CNTN1: variants seen among roughly 807,000 people sequenced by gnomAD.
CNTN1 encodes contactin 1.
Under a neutral mutation model 126.4 loss-of-function variants are expected in CNTN1, and 38 were observed. The observed-to-expected ratio is 0.30, with a 90% CI of 0.23 to 0.39. The LOEUF is 0.39. Ranked by LOEUF, CNTN1 falls within the 10% of genes least tolerant of loss-of-function variation. CNTN1 has a pLI of 1.00. For missense variants in CNTN1, 1,009 were observed against 1,248.4 expected, an observed-to-expected ratio of 0.81 and a Z score of 2.89; for synonymous variants, 413 against 422.6, an observed-to-expected ratio of 0.98 and a Z score of 0.28.
rs146810300 is a variant in CNTN1 at position 40,846,907 on chromosome 12, G to T, written c.-76-61450G>T. 9.3e-5 allele frequency among the ~76,000 whole-genome samples: 14 copies of T among 151,070 alleles called. No homozygotes were observed. The East Asian group carries it at 2.7e-3, about 29-fold the overall frequency. On this transcript the variant is annotated intron_variant, in intron 1 of 23. Coordinates refer to ENST00000551295, the MANE Select transcript of CNTN1 (RefSeq NM_001843.4). ...TTCTGAGATGGAGTCTCACTCTGTC[G>T]CCCAGGCTGGAGTGCAGTGGTGCGA...
At chr12:40,811,318 G>A (rs1385496046) in intron 1 of CNTN1, among the ~76,000 whole-genome samples, 2 of 152,106 alleles carry the variant, frequency 1.3e-5, no homozygotes, top group Non-Finnish European at 2.9e-5. Context: ...TGAAAACACT[G>A]AGTTGAGGAT....
At chr12:40,806,577 T>C (rs1940865322) in intron 1 of CNTN1, among the ~76,000 whole-genome samples, 1 of 152,150 alleles carries the variant, frequency 6.6e-6, no homozygotes, top group African/African-American at 2.4e-5. Flanking sequence ...TCTGGTCTCC[T>C]TCCCTAACGC....
chr12:40,754,030 A>C (rs963516770), intron 1 of CNTN1, among the ~76,000 whole-genome samples: 1 of 152,100 alleles, frequency 6.6e-6, no homozygotes, highest in Non-Finnish European at 1.5e-5. Context: ...ACCTTCAGAA[A>C]GTTATCAGTT....
chr12:40,821,134 C>T (rs1941429466), intron 1 of CNTN1, among the ~76,000 whole-genome samples: 1 of 152,134 alleles, frequency 6.6e-6, no homozygotes, highest in Admixed American at 6.5e-5. Context: ...TGAGACAGGT[C>T]TAATTGTCTT....
At chr12:40,887,467 C>A (rs932400895) in intron 1 of CNTN1, among the ~76,000 whole-genome samples, 11 of 152,144 alleles carry the variant, frequency 7.2e-5, no homozygotes, top group Non-Finnish European at 1.2e-4. Flanking sequence ...CAATGAGATA[C>A]CATCTCACAC....
intron 1 of CNTN1, among the ~76,000 whole-genome samples, chr12:40,731,318 T>G (rs779132141): frequency 6.6e-6 from 1 of 151,990 alleles, no homozygotes; most frequent in Non-Finnish European, 1.5e-5. Context: ...ATTCTATATT[T>G]TTTAAAGAGG....
intron 1 of CNTN1, among the ~76,000 whole-genome samples, chr12:40,739,788 A>G (rs955653790): frequency 6.6e-6 from 1 of 152,124 alleles, no homozygotes; most frequent in African/African-American, 2.4e-5. Flanking sequence ...GGAAAATACA[A>G]GGAAAGAACA....
intron 1 of CNTN1, chr12:40,828,140 G>T (rs576284960): frequency 7.2e-4 from 110 of 152,324 alleles, no homozygotes; most frequent in Admixed American, 1.3e-3. Flanking sequence ...TGAAGGATGG[G>T]AGCGGCTGTG....
At chr12:40,742,135 A>T (rs1937970048) in intron 1 of CNTN1, among the ~76,000 whole-genome samples, 1 of 152,056 alleles carries the variant, frequency 6.6e-6, no homozygotes, top group East Asian at 1.9e-4. Context: ...TAAAGTACTT[A>T]AAATATAACC....
chr12:40,910,894 C>G (rs962168426), intron 3 of CNTN1, among the ~76,000 whole-genome samples: 1 of 152,118 alleles, frequency 6.6e-6, no homozygotes, highest in Non-Finnish European at 1.5e-5. Context: ...CATGAAGAAT[C>G]ACTGAACAAC....
intron 1 of CNTN1, among the ~76,000 whole-genome samples, chr12:40,693,631 T>C (rs1165646526): frequency 6.6e-6 from 1 of 152,196 alleles, no homozygotes; most frequent in Admixed American, 6.5e-5. Context: ...TTTATTTTCA[T>C]GCCAAACCGG....
chr12:40,791,318 C>T (rs1465323898), intron 1 of CNTN1, among the ~76,000 whole-genome samples: 3 of 152,080 alleles, frequency 2.0e-5, no homozygotes, highest in African/African-American at 4.8e-5. Flanking sequence ...AATACGTATA[C>T]GTAGAGTAAT....
chr12:40,900,465 T>A lies in CNTN1; in HGVS notation c.-76-7892T>A, dbSNP rs1944565116. On this transcript the variant is annotated intron_variant, in intron 1 of 23. Coordinates refer to ENST00000551295, the MANE Select transcript of CNTN1 (RefSeq NM_001843.4). Reference sequence around the variant, plus strand: ...TGTGTGTGTGTATGGTTAGGTGCCTTGTAAAGTTTGAGAAAATGCAGAAAA... The same window carrying A: ...TGTGTGTGTGTATGGTTAGGTGCCTAGTAAAGTTTGAGAAAATGCAGAAAA... Among the ~76,000 whole-genome samples, 3 of 152,126 alleles carry A rather than the reference T, an allele frequency of 2.0e-5. No individual in the cohort carries two copies. In the South Asian group the frequency reaches 6.2e-4, roughly 31 times the overall value.
intron 1 of CNTN1, among the ~76,000 whole-genome samples, chr12:40,820,610 G>A (rs1941413168): frequency 6.6e-6 from 1 of 152,096 alleles, no homozygotes; most frequent in South Asian, 2.1e-4. Flanking sequence ...GGGTTTGGGA[G>A]GTAGCATCAC....
intron 17 of CNTN1, among the ~76,000 whole-genome samples, chr12:40,998,475 A>T (rs1340107117): frequency 6.6e-6 from 1 of 152,142 alleles, no homozygotes; most frequent in African/African-American, 2.4e-5. Flanking sequence ...ATCTGATGAG[A>T]CATAACTATC....
chr12:41,054,781 T>C (rs1215905280), intron 23 of CNTN1, among the ~76,000 whole-genome samples: 1 of 152,126 alleles, frequency 6.6e-6, no homozygotes, highest in Non-Finnish European at 1.5e-5. Context: ...TGTCAAGTCA[T>C]GCAATATATT....
chr12:40,755,582 G>C (rs1452303402), intron 1 of CNTN1, among the ~76,000 whole-genome samples: 2 of 151,974 alleles, frequency 1.3e-5, no homozygotes, highest in Admixed American at 1.3e-4. Flanking sequence ...AGCTGGGCTT[G>C]GTGTTACAAT....
chr12:40,897,768 C>T (rs1016125707), intron 1 of CNTN1, among the ~76,000 whole-genome samples: 5 of 152,136 alleles, frequency 3.3e-5, no homozygotes, highest in Admixed American at 2.0e-4. Flanking sequence ...GTAATTTCCC[C>T]AGTATCTGTT....
chr12:40,849,989 ATG>A (rs1016258151), intron 1 of CNTN1, among the ~76,000 whole-genome samples: 1 of 152,026 alleles, frequency 6.6e-6, no homozygotes, highest in Non-Finnish European at 1.5e-5. Flanking sequence ...ATATATATAT[ATG>A]TGGGTACTAT....
Sources: gnomAD v4.1 joint callset for allele counts (sites outside exome capture counted in the v4.1 genomes callset) on GRCh38, gnomAD v4.1.1 for gene constraint, MANE v1.5 for transcripts, NCBI Gene and HGNC (gene_info 2026-07-23, HGNC 2026-07-21) for gene names.